Variants in COX7B2 observed in about 807,000 individuals in gnomAD.
COX7B2 encodes cytochrome c oxidase subunit 7B2, mitochondrial.
For missense variants in COX7B2, 109 were observed against 95.9 expected, an observed-to-expected ratio of 1.14 and a Z score of -0.57; for synonymous variants, 37 against 32.1, an observed-to-expected ratio of 1.15 and a Z score of -0.51.
At chr4:46,886,943 G>A (rs957868034) in intron 1 of COX7B2, among the ~76,000 whole-genome samples, 33 of 152,006 alleles carry the variant, frequency 2.2e-4, no homozygotes, top group African/African-American at 8.0e-4. Flanking sequence ...TAATTGGTGT[G>A]GAAAAAAAAT....
At chr4:46,905,348 G>A (rs1035252719) in intron 1 of COX7B2, among the ~76,000 whole-genome samples, 1 of 152,076 alleles carries the variant, frequency 6.6e-6, no homozygotes, top group African/African-American at 2.4e-5. Context: ...TTTCAACACA[G>A]CCACTTTCCC....
intron 2 of COX7B2, among the ~76,000 whole-genome samples, chr4:46,838,388 T>G (rs1181498595): frequency 6.6e-6 from 1 of 152,072 alleles, no homozygotes; most frequent in African/African-American, 2.4e-5. Flanking sequence ...AAAATCACTC[T>G]CAGTAAAATT....
chr4:46,835,327 A>T (rs945369856), intron 2 of COX7B2, among the ~76,000 whole-genome samples: 2 of 152,172 alleles, frequency 1.3e-5, no homozygotes, highest in African/African-American at 4.8e-5. Flanking sequence ...CAAAGTTAGC[A>T]AATTGAATGT....
At chr4:46,779,033 AAG>A in intron 2 of COX7B2, among the ~76,000 whole-genome samples, 1 of 152,328 alleles carries the variant, frequency 6.6e-6, no homozygotes, top group South Asian at 2.1e-4. Flanking sequence ...TCTTTTGACA[AAG>A]AGTGTGGCTT....
chr4:46,858,753 A>G (rs930895756), intron 1 of COX7B2, among the ~76,000 whole-genome samples: 5 of 152,164 alleles, frequency 3.3e-5, no homozygotes, highest in African/African-American at 9.7e-5. Flanking sequence ...AGTTGTCAAG[A>G]TTCTCAGTCA....
At chr4:46,754,726 G>GTATATATATATATATATATATATATA (rs1228184530) in intron 2 of COX7B2, among the ~76,000 whole-genome samples, 29 of 46,128 alleles carry the variant, frequency 6.3e-4, no homozygotes, top group African/African-American at 9.7e-4. Context: ...GTGTGTGTGT[G>GTATATATATATATATATATATATATA]TGTATATATA....
chr4:46,898,732 T>C (rs1378788359), intron 1 of COX7B2, among the ~76,000 whole-genome samples: 1 of 152,146 alleles, frequency 6.6e-6, no homozygotes, highest in Non-Finnish European at 1.5e-5. Flanking sequence ...GTCCACTCAA[T>C]TTACCATTGA....
chr4:46,852,289 G>T (rs889904376), intron 1 of COX7B2, among the ~76,000 whole-genome samples: 1 of 151,976 alleles, frequency 6.6e-6, no homozygotes, highest in African/African-American at 2.4e-5. Flanking sequence ...CCTTCAGATT[G>T]TCTCCTATGC....
chr4:46,886,901 A>G (rs1719115747), intron 1 of COX7B2, among the ~76,000 whole-genome samples: 1 of 152,238 alleles, frequency 6.6e-6, no homozygotes, highest in Non-Finnish European at 1.5e-5. Flanking sequence ...CCTTATGTGT[A>G]CATGAAGGAG....
chr4:46,845,141 T>C (rs762936614), intron 1 of COX7B2, 127 bp from the exon 2 acceptor site: 3 of 152,028 alleles, frequency 2.0e-5, no homozygotes, highest in Non-Finnish European at 4.4e-5. Context: ...AATATTGTCA[T>C]ACAAATGATA....
At chr4:46,892,682 T>A (rs1343176035) in intron 1 of COX7B2, among the ~76,000 whole-genome samples, 1 of 152,108 alleles carries the variant, frequency 6.6e-6, no homozygotes, top group African/African-American at 2.4e-5. Flanking sequence ...AGCCTCAACA[T>A]CTTCAGAAAA....
chr4:46,804,607 T>C (rs1287060167), intron 2 of COX7B2, among the ~76,000 whole-genome samples: 5 of 152,170 alleles, frequency 3.3e-5, no homozygotes, highest in Admixed American at 1.3e-4. Flanking sequence ...AGAGTGTCAA[T>C]TGGTGCATTC....
At chr4:46,753,804 A>T (rs1463653690) in intron 2 of COX7B2, among the ~76,000 whole-genome samples, 1 of 152,176 alleles carries the variant, frequency 6.6e-6, no homozygotes, top group Non-Finnish European at 1.5e-5. Context: ...AAATTTTTGC[A>T]ATCTACCCAT....
At chr4:46,787,915 GTCT>G (rs1182285862) in intron 2 of COX7B2, among the ~76,000 whole-genome samples, 1 of 151,982 alleles carries the variant, frequency 6.6e-6, no homozygotes, top group African/African-American at 2.4e-5. Context: ...TATGAATTAT[GTCT>G]TCTCACTTAC....
chr4:46,843,904 A>G (rs1716101405), intron 2 of COX7B2, among the ~76,000 whole-genome samples: 1 of 152,004 alleles, frequency 6.6e-6, no homozygotes, highest in African/African-American at 2.4e-5. Context: ...TTTGCTGCCA[A>G]TTTTGGCTGC....
At chr4:46,855,039 T>C (rs1186662032) in intron 1 of COX7B2, among the ~76,000 whole-genome samples, 1 of 152,050 alleles carries the variant, frequency 6.6e-6, no homozygotes, top group Admixed American at 6.6e-5. Context: ...TTAACAAAAG[T>C]TTATTAGGCC....
chr4:46,754,059 A>C (rs1715589273), intron 2 of COX7B2, among the ~76,000 whole-genome samples: 1 of 152,148 alleles, frequency 6.6e-6, no homozygotes, highest in Non-Finnish European at 1.5e-5. Context: ...AAAGTCAGGA[A>C]ACAACAGGTG....
intron 2 of COX7B2, among the ~76,000 whole-genome samples, chr4:46,754,555 G>T (rs77513124): frequency 1.2e-4 from 12 of 100,542 alleles, no homozygotes; most frequent in African/African-American, 2.9e-4. Flanking sequence ...GTGGGGGGAG[G>T]GGGGAGGGAT....
At chr4:46,862,836 T>C (rs1294154533) in intron 1 of COX7B2, among the ~76,000 whole-genome samples, 1 of 152,162 alleles carries the variant, frequency 6.6e-6, no homozygotes, top group Non-Finnish European at 1.5e-5. Flanking sequence ...TAAAAAGAAA[T>C]AAATTAGGTA....
Sources: allele counts gnomAD v4.1 joint callset (sites outside exome capture counted in the v4.1 genomes callset), GRCh38; gene constraint gnomAD v4.1.1; transcripts MANE v1.5; gene names NCBI Gene and HGNC (gene_info 2026-07-23, HGNC 2026-07-21).